CACNA2D3: variants seen among roughly 807,000 people sequenced by gnomAD.
CACNA2D3 encodes the protein calcium voltage-gated channel auxiliary subunit alpha2delta 3.
CACNA2D3 carries 60 observed loss-of-function variants against 160.6 expected under a neutral mutation model. That is an observed-to-expected ratio of 0.37 (90% CI 0.30 to 0.46). The LOEUF is 0.46. Ranked by LOEUF, CACNA2D3 falls within the 20% of genes least tolerant of loss-of-function variation. The pLI, the probability that CACNA2D3 is intolerant of heterozygous loss-of-function variation, is 1.00. For missense variants in CACNA2D3, 1,205 were observed against 1,365.0 expected (o/e 0.88, Z 1.85); for synonymous variants, 558 against 492.9 (o/e 1.13, Z -1.75).
chr3:54,695,024 AT>A (rs989385389), intron 11 of CACNA2D3, among the ~76,000 whole-genome samples: 6 of 149,840 alleles, frequency 4.0e-5, no homozygotes, highest in South Asian at 4.2e-4. Context: ...GTCATAAAAT[AT>A]TTTTTTTTTG....
chr3:54,332,021 T>C (rs1228048440), intron 3 of CACNA2D3, among the ~76,000 whole-genome samples: 1 of 152,218 alleles, frequency 6.6e-6, no homozygotes, highest in Admixed American at 6.5e-5. Context: ...TGAAAAATGC[T>C]CAAAGTGGCT....
At chr3:55,041,611 A>G (rs1162044381) in intron 35 of CACNA2D3, among the ~76,000 whole-genome samples, 2 of 152,108 alleles carry the variant, frequency 1.3e-5, no homozygotes, top group Non-Finnish European at 1.5e-5. Flanking sequence ...TGCTTTTTTC[A>G]AAAAATCATT....
In CACNA2D3 at chr3:54,122,592, G is replaced by A. The variant is rs1381868277; in HGVS notation, c.-122G>A. On this transcript the variant is annotated 5_prime_UTR_variant, in exon 1 of 38. Transcript: ENST00000474759. ...CCCCAAGTGAGCCGGGCGCGCGAGA[G>A]GCAGGCGGGGCGGCGCGGAGCGGAG... The A allele has an allele frequency of 2.3e-6, 1 of 439,334 alleles. No homozygotes were observed. Among genetic ancestry groups the A allele is most frequent in the African/African-American group, 2.2e-5 (1 of 45,022 alleles). 27.2% of individuals were successfully genotyped at this position (439,334 alleles called of 1,614,324 possible). A position where few individuals can be genotyped will look rare whatever the true frequency, so the allele number is the denominator to read the frequency against.
At chr3:54,229,139 G>T (rs1053990445) in intron 2 of CACNA2D3, among the ~76,000 whole-genome samples, 6 of 151,864 alleles carry the variant, frequency 4.0e-5, no homozygotes, top group Non-Finnish European at 8.8e-5. Context: ...CTTGATCTTT[G>T]TAAGGCCTCA....
chr3:54,874,469 T>G (rs1699613839), intron 18 of CACNA2D3: 1 of 152,202 alleles, frequency 6.6e-6, no homozygotes, highest in Non-Finnish European at 1.5e-5. Context: ...GAGGGTGATT[T>G]TTTTGTTTTG....
chr3:54,935,698 C>T (rs770255223), intron 27 of CACNA2D3, among the ~76,000 whole-genome samples: 14 of 152,118 alleles, frequency 9.2e-5, no homozygotes, highest in Non-Finnish European at 1.5e-4. Flanking sequence ...TTTACTATAA[C>T]GTGATAGTTC....
rs192361810 is a variant in CACNA2D3 at position 54,791,302 on chromosome 3, G to A, written c.1381-25551G>A. Reference sequence around the variant, plus strand: ...CTCAATGTTCAGTAGGAATATAAAGGGTTCCCAGAGGGTGTAAGAACCACC... The same window carrying A: ...CTCAATGTTCAGTAGGAATATAAAGAGTTCCCAGAGGGTGTAAGAACCACC... On this transcript the variant is annotated intron_variant, in intron 13 of 37. Coordinates refer to ENST00000474759, the MANE Select transcript of CACNA2D3 (RefSeq NM_018398.3). Among the ~76,000 whole-genome samples, 601 of 152,274 alleles carry A rather than the reference G, an allele frequency of 3.9e-3. 3 individuals carry two copies. Among genetic ancestry groups the A allele is most frequent in the Non-Finnish European group, 6.1e-3 (413 of 68,026 alleles).
At chr3:54,285,548 T>C (rs1702993890) in intron 2 of CACNA2D3, among the ~76,000 whole-genome samples, 1 of 152,158 alleles carries the variant, frequency 6.6e-6, no homozygotes, top group Non-Finnish European at 1.5e-5. Context: ...TCTGCAGACT[T>C]AAATGTCCCT....
intron 4 of CACNA2D3, among the ~76,000 whole-genome samples, chr3:54,461,779 A>C (rs371862302): frequency 3.3e-5 from 5 of 151,492 alleles, no homozygotes; most frequent in Non-Finnish European, 7.4e-5. Flanking sequence ...TGTTTCCTTC[A>C]GTTCTGCTCT....
intron 11 of CACNA2D3, among the ~76,000 whole-genome samples, chr3:54,742,880 A>T (rs1048871163): frequency 1.3e-5 from 2 of 152,220 alleles, no homozygotes; most frequent in African/African-American, 4.8e-5. Flanking sequence ...TGAGGCTGTA[A>T]TAACACAGAT....
chr3:54,934,022 C>T (rs187123523), intron 27 of CACNA2D3, among the ~76,000 whole-genome samples: 11 of 152,246 alleles, frequency 7.2e-5, no homozygotes, highest in African/African-American at 2.4e-4. Context: ...CCACCTGCCT[C>T]GGCCTCCCAA....
intron 2 of CACNA2D3, among the ~76,000 whole-genome samples, chr3:54,178,705 C>T: frequency 6.6e-6 from 1 of 152,204 alleles, no homozygotes; most frequent in Non-Finnish European, 1.5e-5. Flanking sequence ...ATACCATCAA[C>T]AGAAATAATC....
At chr3:54,563,072 G>A in intron 6 of CACNA2D3, 141 bp downstream of exon 6, 2 of 758,756 alleles carry the variant, frequency 2.6e-6, no homozygotes, top group Admixed American at 2.8e-5. Context: ...TATTGTCAGG[G>A]TGCAGGACAG....
At chr3:54,903,560 C>T (rs544115641) in intron 27 of CACNA2D3, among the ~76,000 whole-genome samples, 10 of 152,272 alleles carry the variant, frequency 6.6e-5, no homozygotes, top group East Asian at 3.9e-4. Flanking sequence ...TATATTCCTT[C>T]GGGTATATAC....
At chr3:54,369,910 A>G (rs1029294014) in intron 3 of CACNA2D3, among the ~76,000 whole-genome samples, 1 of 152,206 alleles carries the variant, frequency 6.6e-6, no homozygotes, top group African/African-American at 2.4e-5. Context: ...AGACTGCGAT[A>G]AGTAATTTGT....
At chr3:54,238,666 A>C (rs1701924722) in intron 2 of CACNA2D3, among the ~76,000 whole-genome samples, 1 of 152,224 alleles carries the variant, frequency 6.6e-6, no homozygotes. Flanking sequence ...GAAAAATGAC[A>C]CAAAAGGTCA....
At chr3:54,870,856 T>A (rs1370745367) in intron 17 of CACNA2D3, among the ~76,000 whole-genome samples, 2 of 152,186 alleles carry the variant, frequency 1.3e-5, no homozygotes, top group Non-Finnish European at 2.9e-5. Context: ...GCCACCAGTA[T>A]GCTGAGCCCA....
chr3:54,228,927 G>T (rs1701721196), intron 2 of CACNA2D3, among the ~76,000 whole-genome samples: 1 of 152,200 alleles, frequency 6.6e-6, no homozygotes, highest in Non-Finnish European at 1.5e-5. Context: ...TCTTTCCAGA[G>T]GCCAGTTGCA....
At chr3:54,387,519 G>A (rs559513227) in intron 4 of CACNA2D3, among the ~76,000 whole-genome samples, 5 of 152,312 alleles carry the variant, frequency 3.3e-5, no homozygotes, top group Admixed American at 1.3e-4. Flanking sequence ...GGGCGTGGTA[G>A]CGCACGCCTG....
Sources: gnomAD v4.1 joint callset for allele counts (sites outside exome capture counted in the v4.1 genomes callset) on GRCh38, gnomAD v4.1.1 for gene constraint, MANE v1.5 for transcripts, NCBI Gene and HGNC (gene_info 2026-07-23, HGNC 2026-07-21) for gene names.